LIPE: variants seen among roughly 807,000 people sequenced by gnomAD.
The protein encoded by LIPE is hormone-sensitive lipase.
A neutral mutation model predicts 88.5 loss-of-function variants in LIPE; 66 were observed. That is an observed-to-expected ratio of 0.75 (90% CI 0.61 to 0.91). LIPE has a LOEUF of 0.91. Ranked by LOEUF, LIPE falls within the 40% of genes least tolerant of loss-of-function variation. The pLI, the probability that LIPE is intolerant of heterozygous loss-of-function variation, is 0.00. For missense variants in LIPE, 1,346 were observed against 1,434.7 expected, an observed-to-expected ratio of 0.94 and a Z score of 1.00; for synonymous variants, 570 against 617.5, an observed-to-expected ratio of 0.92 and a Z score of 1.14.
At chr19:42,405,030 C>G (rs1409967576) in intron 8 of LIPE, among the ~76,000 whole-genome samples, 1 of 151,994 alleles carries the variant, frequency 6.6e-6, no homozygotes, top group African/African-American at 2.4e-5. Flanking sequence ...TCCACCATAC[C>G]CTGCTAATTT....
chr19:42,412,861 A>G (rs1486890013), intron 1 of LIPE, among the ~76,000 whole-genome samples: 1 of 152,030 alleles, frequency 6.6e-6, no homozygotes, highest in East Asian at 1.9e-4. Flanking sequence ...TGTTGGGGGG[A>G]GAGAGGAGGT....
intron 1 of LIPE, among the ~76,000 whole-genome samples, chr19:42,416,716 C>T (rs1315949729): frequency 3.9e-5 from 6 of 152,200 alleles, no homozygotes. Flanking sequence ...CGTCTGTTTA[C>T]AGCATGGTTT....
chr19:42,424,935 G>T, intron 1 of LIPE: 1 of 316,012 alleles, frequency 3.2e-6, no homozygotes, highest in Non-Finnish European at 6.2e-6. Context: ...AGAGCCTTGG[G>T]CCCGTTATCC....
chr19:42,406,379 CCT>C lies in LIPE; in HGVS notation c.2145_2146del (p.Glu717ThrfsTer139). ...GTCCCCCGCAAGGCAGATTCGTTCC[CCT>C]GTTGAGCCTGGTTTGGGAGAGGGGT... On this transcript the variant is annotated frameshift_variant, in exon 7 of 10. Transcript: ENST00000244289. LOFTEE classifies it high-confidence loss of function. This position sits in a 1 kb window ranked among gnomAD's most constrained non-coding sequence, Gnocchi z 5.7. 6.2e-7 allele frequency: 1 copy of C among 1,612,330 alleles called. No individual in the cohort carries two copies. Among genetic ancestry groups the C allele is most frequent in the Non-Finnish European group, 8.5e-7 (1 of 1,178,474 alleles).
Position 42,413,663 on chromosome 19 carries a change from C to T in LIPE, c.884-2821G>A, listed in dbSNP as rs189174852. Among the ~76,000 whole-genome samples, 25 of 152,180 alleles carry T rather than the reference C, an allele frequency of 1.6e-4. 1 individual carries two copies. The highest frequency in any genetic ancestry group is 5.5e-4 in the African/African-American group (23 of 41,516). ...CCTGGGTGACAGAGCGAGACTCTGT[C>T]TTAAAACAAAACAAAAAAGATTAGG... On this transcript the variant is annotated intron_variant, in intron 1 of 9. Transcript: ENST00000244289.
intron 1 of LIPE, among the ~76,000 whole-genome samples, chr19:42,421,591 T>A (rs2040599234): frequency 6.6e-6 from 1 of 152,216 alleles, no homozygotes; most frequent in African/African-American, 2.4e-5. Context: ...GGGCCCAGAA[T>A]CAAGTTTGGG....
rs376380153 is a variant in LIPE at position 42,410,291 on chromosome 19, G to A, written c.1419+16C>T. 15 of 1,546,700 alleles carry A rather than the reference G, an allele frequency of 9.7e-6. No individual in the cohort carries two copies. Among genetic ancestry groups the A allele is most frequent in the South Asian group, 4.8e-5 (4 of 83,648 alleles). ...CTTCATTGTGGGCCCAGAGGGGCAC[G>A]GGGCAGGGGGCTCACCTGGAAGCCC... On this transcript the variant is annotated intron_variant, in intron 2 of 9. Coordinates refer to ENST00000244289, the MANE Select transcript of LIPE (RefSeq NM_005357.4). The surrounding 1 kb of genome is among the most constrained non-coding windows in gnomAD (Gnocchi z 6.1).
At chr19:42,418,677 A>G (rs1338727359) in intron 1 of LIPE, among the ~76,000 whole-genome samples, 1 of 152,094 alleles carries the variant, frequency 6.6e-6, no homozygotes. Context: ...AAATATGTAC[A>G]TGGTATTTTT....
At chr19:42,413,597 C>T (rs747445719) in intron 1 of LIPE, among the ~76,000 whole-genome samples, 14 of 152,188 alleles carry the variant, frequency 9.2e-5, no homozygotes, top group South Asian at 2.1e-4. Flanking sequence ...ACCTGGGACG[C>T]GGAGCTTGCA....
At position 42,402,982 on chromosome 19, in the gene LIPE, G is replaced by A. The variant is rs938533704; in HGVS notation, c.2592C>T (p.Gly864=). 10 of 1,602,016 alleles carry A rather than the reference G, an allele frequency of 6.2e-6. No homozygotes were observed. The highest frequency in any genetic ancestry group is 1.3e-5 in the African/African-American group (1 of 74,830). Residue 864 remains glycine (G), a synonymous_variant, in exon 9 of 10, where the codon GGC becomes GGT. Coordinates refer to ENST00000244289, the MANE Select transcript of LIPE (RefSeq NM_005357.4). The part of the protein sequence containing the change: ...VSEAALAQPQ[G]PLGTDSLKNL... Reference sequence around the variant, plus strand: ...TCTTGAGGGAATCCGTGCCCAGTGGGCCCTGGGGCTGGGCCAGTGCTGCTT... The same window carrying A: ...TCTTGAGGGAATCCGTGCCCAGTGGACCCTGGGGCTGGGCCAGTGCTGCTT...
At chr19:42,403,241 ATGTGTGTGTGTGTGTGTGTGTGTG>A (rs56983822) in intron 8 of LIPE, among the ~76,000 whole-genome samples, 13 of 92,002 alleles carry the variant, frequency 1.4e-4, no homozygotes, top group Admixed American at 6.6e-4. Context: ...CTAGTGAAGG[ATGTGTGTGTGTGTGTGTGTGTGTG>A]TGTGTGTGTG....
chr19:42,426,783 A>G lies in LIPE; in HGVS notation c.367T>C (p.Ser123Pro), dbSNP rs752204042. ...SQQGPGLGKE[S>P]ITQQEPALRQ... ...AATGCTGGCTCCTGTTGAGTTATAG[A>G]TTCTTTTCCTAGCCCAGGTCCCTGC... Residue 123 changes from serine (S) to proline (P), a missense_variant, in exon 1 of 10, where the codon TCT becomes CCT. Physicochemically the swap from Ser to Pro is moderately conservative, Grantham distance 74. Coordinates refer to ENST00000244289, the MANE Select transcript of LIPE (RefSeq NM_005357.4). The G allele has an allele frequency of 6.2e-7, 1 of 1,613,960 alleles. No individual in the cohort carries two copies. The highest frequency in any genetic ancestry group is 1.3e-5 in the African/African-American group (1 of 74,960).
At chr19:42,415,785 G>A (rs1269750807) in intron 1 of LIPE, among the ~76,000 whole-genome samples, 1 of 151,750 alleles carries the variant, frequency 6.6e-6, no homozygotes, top group South Asian at 2.1e-4. Context: ...ACTCCAGCCT[G>A]GGTGACAGAG....
intron 1 of LIPE, chr19:42,425,034 C>A: frequency 4.2e-6 from 1 of 240,578 alleles, no homozygotes. Context: ...CCGGCTCCTC[C>A]TTGCTGAGAA....
In LIPE at chr19:42,426,276, G is replaced by C; in HGVS notation, c.874C>G (p.Gln292Glu). The C allele has an allele frequency of 1.9e-6, 3 of 1,600,700 alleles. No homozygotes were observed. Among genetic ancestry groups the C allele is most frequent in the Non-Finnish European group, 2.6e-6 (3 of 1,168,860 alleles). ...CCAGATTCACACTCACCTGTATCCTGGTAGTGTCTGTGATTCCGAGCACTG... is the reference window on the plus strand; with the variant it reads ...CCAGATTCACACTCACCTGTATCCTCGTAGTGTCTGTGATTCCGAGCACTG... ...KTSARNHRHY[Q>E]DTASRLIHNM... The change falls in exon 1 of 10, where the codon CAG becomes GAG. Residue 292 changes from glutamine (Q) to glutamate (E), a missense_variant. By Grantham distance (29) the Gln-to-Glu change is conservative. Coordinates refer to ENST00000244289, the MANE Select transcript of LIPE (RefSeq NM_005357.4).
Position 42,401,973 on chromosome 19 carries a change from G to T in LIPE, c.3070C>A (p.His1024Asn). The change falls in exon 10 of 10, where the codon CAC becomes AAC. Residue 1024 changes from histidine to asparagine, a missense_variant. His to Asn is a moderately conservative substitution (Grantham distance 68). Coordinates refer to ENST00000244289, the MANE Select transcript of LIPE (RefSeq NM_005357.4). ...VTLRVVEDLP[H>N]GFLTLAALCR... ...AGCGCCGCTAGGGTCAGGAAGCCGT[G>T]CGGCAGGTCCTCCACCACGCGCAGC... 1 of 1,556,974 alleles carries T rather than the reference G, an allele frequency of 6.4e-7. No individual in the cohort carries two copies. The highest frequency in any genetic ancestry group is 2.4e-5 in the East Asian group (1 of 41,856).
Position 42,410,502 on chromosome 19 carries a change from G to T in LIPE, c.1224C>A (p.Asn408Lys), listed in dbSNP as rs1164564294. 4 of 1,613,544 alleles carry T rather than the reference G, an allele frequency of 2.5e-6. No homozygotes were observed. The East Asian group carries it at 6.7e-5, about 27-fold the overall frequency. ...CCAGGTAGGCCTCCAGCTCGGCCAG[G>T]TTGTGGCTGGTGCGGAAGAAGATGC... ...RRSIFFRTSH[N>K]LAELEAYLAA... is the part of the protein sequence containing the mutation. The change falls in exon 2 of 10, where the codon AAC becomes AAA. Residue 408 changes from asparagine to lysine, a missense_variant. Asn to Lys is a moderately conservative substitution (Grantham distance 94, BLOSUM62 0). Transcript: ENST00000244289. This position sits in a 1 kb window ranked among gnomAD's most constrained non-coding sequence, Gnocchi z 6.1.
At position 42,406,936 on chromosome 19, in the gene LIPE, G is replaced by A. The variant is rs13345659; in HGVS notation, c.2137+238C>T. ...ATCAGAGGGGGACGACAGAGGCCCA[G>A]GGAGACAGGACGGTGGGTGGGAAGT... On this transcript the variant is annotated intron_variant, in intron 6 of 9. Transcript: ENST00000244289. The surrounding 1 kb of genome is among the most constrained non-coding windows in gnomAD (Gnocchi z 5.7). 0.064 allele frequency among the ~76,000 whole-genome samples: 9,716 copies of A among 152,238 alleles called. 968 individuals carry two copies. Among genetic ancestry groups the A allele is most frequent in the African/African-American group, 0.22 (8,999 of 41,502 alleles).
intron 1 of LIPE, among the ~76,000 whole-genome samples, chr19:42,419,672 T>G (rs1440376180): frequency 3.2e-5 from 2 of 62,188 alleles, no homozygotes; most frequent in African/African-American, 6.6e-5. Flanking sequence ...TGAGCAGGGG[T>G]AAGGAGGGCG....
Sources: gnomAD v4.1 joint callset for allele counts (sites outside exome capture counted in the v4.1 genomes callset) on GRCh38, gnomAD v4.1.1 for gene constraint, Gnocchi (gnomAD v3.1) non-coding constraint, MANE v1.5 for transcripts, NCBI Gene and HGNC (gene_info 2026-07-23, HGNC 2026-07-21) for gene names.